IGF2BP3: variants seen among roughly 807,000 people sequenced by gnomAD.
IGF2BP3 encodes insulin-like growth factor 2 mRNA-binding protein 3.
In IGF2BP3, 9 loss-of-function variants were observed where a neutral mutation model predicts 73.8. That is an observed-to-expected ratio of 0.12 (90% CI 0.07 to 0.21). The LOEUF (loss-of-function observed/expected upper bound fraction) is 0.21, where lower values mean the gene tolerates loss of function less well. Ranked by LOEUF, IGF2BP3 falls within the 10% of genes least tolerant of loss-of-function variation. The pLI, the probability that IGF2BP3 is intolerant of heterozygous loss-of-function variation, is 1.00. For synonymous variants in IGF2BP3, 258 were observed against 256.7 expected (o/e 1.01, Z -0.05); for missense variants, 542 against 714.0 (o/e 0.76, Z 2.75).
rs1784767334 is a variant in IGF2BP3 at position 23,343,742 on chromosome 7, A to G, written c.1053T>C (p.Tyr351=). ...EEIMKKIRES[Y]ENDIASMNLQ... ...CATTCATAGAAGCAATATCATTTTCATAAGACTCCCTGATTTTCTTCATGA... is the reference window on the plus strand; with the variant it reads ...CATTCATAGAAGCAATATCATTTTCGTAAGACTCCCTGATTTTCTTCATGA... Residue 351 remains tyrosine (Y), a synonymous_variant, in exon 9 of 15, where the codon TAT becomes TAC. Transcript: ENST00000258729. 1.2e-6 allele frequency: 2 copies of G among 1,612,116 alleles called. No homozygotes were observed. The highest frequency in any genetic ancestry group is 1.7e-6 in the Non-Finnish European group (2 of 1,179,518).
chr7:23,383,749 C>A (rs141785183), intron 3 of IGF2BP3, among the ~76,000 whole-genome samples: 4 of 152,060 alleles, frequency 2.6e-5, no homozygotes, highest in Non-Finnish European at 5.9e-5. Flanking sequence ...GACTGACGAA[C>A]GGATAAACAA....
At chr7:23,380,030 G>GT (rs1293765474) in intron 3 of IGF2BP3, among the ~76,000 whole-genome samples, 1 of 151,998 alleles carries the variant, frequency 6.6e-6, no homozygotes. Flanking sequence ...TGGGAAAGTC[G>GT]TAACTTGGTA....
At chr7:23,441,574 TAAA>T (rs769391858) in intron 2 of IGF2BP3, among the ~76,000 whole-genome samples, 15 of 56,954 alleles carry the variant, frequency 2.6e-4, no homozygotes, top group African/African-American at 7.0e-4. Flanking sequence ...CTCCATCTCT[TAAA>T]AAAAAAAAAA....
intron 10 of IGF2BP3, among the ~76,000 whole-genome samples, chr7:23,331,613 A>C (rs1784445799): frequency 1.3e-5 from 2 of 152,158 alleles, no homozygotes; most frequent in Admixed American, 6.5e-5. Flanking sequence ...TAATCCTAAC[A>C]CTTTGGAAGG....
chr7:23,456,406 T>C (rs1489786271), intron 2 of IGF2BP3, among the ~76,000 whole-genome samples: 1 of 152,230 alleles, frequency 6.6e-6, no homozygotes, highest in Non-Finnish European at 1.5e-5. Flanking sequence ...CTCCTCAAAA[T>C]GTGGACCTTC....
chr7:23,391,759 C>G (rs932073266), intron 3 of IGF2BP3, among the ~76,000 whole-genome samples: 2 of 152,308 alleles, frequency 1.3e-5, no homozygotes, highest in East Asian at 3.9e-4. Flanking sequence ...TGTCTGTAGA[C>G]AGGCCCAGTA....
intron 2 of IGF2BP3, among the ~76,000 whole-genome samples, chr7:23,441,338 G>GC (rs755186461): frequency 5.3e-5 from 8 of 152,042 alleles, no homozygotes; most frequent in Non-Finnish European, 1.0e-4. Flanking sequence ...ACTTTGGGAG[G>GC]CCGAGGTGGA....
chr7:23,331,191 TACCATGATGATTTGGG>T (rs1465115706), intron 10 of IGF2BP3, among the ~76,000 whole-genome samples: 2 of 152,226 alleles, frequency 1.3e-5, no homozygotes, highest in East Asian at 1.9e-4. Flanking sequence ...ATACATGTAC[TACCATGATGATTTGGG>T]ACCATGATGA....
intron 12 of IGF2BP3, among the ~76,000 whole-genome samples, chr7:23,314,360 A>T (rs115441524): frequency 0.019 from 2,896 of 151,906 alleles, 95 homozygotes; most frequent in African/African-American, 0.061. Flanking sequence ...TTATTTTTGC[A>T]TTTTTAGTAG....
chr7:23,440,770 A>G (rs1787914527), intron 2 of IGF2BP3, among the ~76,000 whole-genome samples: 1 of 152,208 alleles, frequency 6.6e-6, no homozygotes, highest in Non-Finnish European at 1.5e-5. Flanking sequence ...TACTAGGGCT[A>G]TAGAAGGACC....
At chr7:23,461,913 T>C (rs1054547433) in intron 2 of IGF2BP3, among the ~76,000 whole-genome samples, 7 of 152,216 alleles carry the variant, frequency 4.6e-5, no homozygotes, top group Admixed American at 3.3e-4. Flanking sequence ...ATCAATAGAA[T>C]GTGACAGAAG....
chr7:23,352,838 A>G (rs1785000731), intron 5 of IGF2BP3, among the ~76,000 whole-genome samples: 1 of 152,092 alleles, frequency 6.6e-6, no homozygotes, highest in Admixed American at 6.5e-5. Flanking sequence ...AGTATACATG[A>G]TATGTATTTT....
Position 23,311,403 on chromosome 7 carries a change from T to C in IGF2BP3, c.*959A>G, listed in dbSNP as rs1270233007. Reference sequence around the variant, plus strand: ...AGCATTTATTATGCATTCAATCATGTAGCTAAACAAAAAACTGAAGTCTCC... The same window carrying C: ...AGCATTTATTATGCATTCAATCATGCAGCTAAACAAAAAACTGAAGTCTCC... On this transcript the variant is annotated 3_prime_UTR_variant, in exon 15 of 15. Transcript: ENST00000258729. 6.6e-6 allele frequency: 1 copy of C among 152,652 alleles called. No individual in the cohort carries two copies. The highest frequency in any genetic ancestry group is 1.9e-4 in the East Asian group (1 of 5,200). 9.5% of individuals were successfully genotyped at this position (152,652 alleles called of 1,614,324 possible). A position where few individuals can be genotyped will look rare whatever the true frequency, so the allele number is the denominator to read the frequency against.
chr7:23,457,442 GCGAGAC>G (rs1249649441), intron 2 of IGF2BP3, among the ~76,000 whole-genome samples: 6 of 152,016 alleles, frequency 3.9e-5, no homozygotes, highest in African/African-American at 4.8e-5. Flanking sequence ...TCCAGCCTGG[GCGAGAC>G]CAAGACCCTG....
chr7:23,372,072 G>GT (rs571101695), intron 3 of IGF2BP3, among the ~76,000 whole-genome samples: 2,516 of 146,898 alleles, frequency 0.017, 59 homozygotes, highest in African/African-American at 0.052. Context: ...ACATGAATAA[G>GT]TTTTTTTTTT....
intron 3 of IGF2BP3, among the ~76,000 whole-genome samples, chr7:23,388,193 T>G (rs1786149704): frequency 6.6e-6 from 1 of 152,134 alleles, no homozygotes; most frequent in African/African-American, 2.4e-5. Flanking sequence ...TGCCTCAGCC[T>G]CCCAACGTGC....
intron 10 of IGF2BP3, among the ~76,000 whole-genome samples, chr7:23,322,291 C>T (rs1219101659): frequency 7.9e-5 from 12 of 152,024 alleles, no homozygotes; most frequent in South Asian, 2.1e-4. Flanking sequence ...CCTCAGGAGC[C>T]GATGTGATCA....
rs573870152 is a variant in IGF2BP3 at position 23,333,738 on chromosome 7, C to G, written c.1203+8326G>C. Among the ~76,000 whole-genome samples the G allele has an allele frequency of 5.9e-5, 9 of 152,314 alleles. No individual in the cohort carries two copies. The South Asian group carries it at 1.7e-3, about 28-fold the overall frequency. On this transcript the variant is annotated intron_variant, in intron 10 of 14. Coordinates refer to ENST00000258729, the MANE Select transcript of IGF2BP3 (RefSeq NM_006547.3). ...TAGAAGCAGCAGAGTTAGAAGCAAA[C>G]TAAGTGTTTTTCCACACCAGGAGAT...
chr7:23,383,119 C>T (rs1472351496), intron 3 of IGF2BP3, among the ~76,000 whole-genome samples: 1 of 151,936 alleles, frequency 6.6e-6, no homozygotes, highest in Admixed American at 6.6e-5. Flanking sequence ...AACAATATAA[C>T]TACATAGTAT....
Sources: allele counts gnomAD v4.1 joint callset (sites outside exome capture counted in the v4.1 genomes callset), GRCh38; gene constraint gnomAD v4.1.1; transcripts MANE v1.5; gene names NCBI Gene and HGNC (gene_info 2026-07-23, HGNC 2026-07-21).